The following PARD3B variants were observed in gnomAD, a reference collection of about 807,000 sequenced individuals.
PARD3B encodes par-3 family cell polarity regulator beta.
A neutral mutation model predicts 130.2 loss-of-function variants in PARD3B; 103 were observed. The ratio of observed to expected loss-of-function variants is 0.79; its 90% CI spans 0.67 to 0.93. The LOEUF is 0.93. Ranked by LOEUF, PARD3B falls within the 40% of genes least tolerant of loss-of-function variation. The pLI is 0.00. For synonymous variants in PARD3B, 583 were observed against 553.2 expected (o/e 1.05, Z -0.76); for missense variants, 1,609 against 1,499.2 (o/e 1.07, Z -1.21).
chr2:205,541,555 G>A (rs1223880352), intron 21 of PARD3B, among the ~76,000 whole-genome samples: 1 of 151,962 alleles, frequency 6.6e-6, no homozygotes, highest in East Asian at 1.9e-4. Flanking sequence ...TGCCATGTTG[G>A]CCAGGCTGGT....
At chr2:205,438,253 C>T (rs955475936) in intron 19 of PARD3B, among the ~76,000 whole-genome samples, 15 of 152,238 alleles carry the variant, frequency 9.9e-5, no homozygotes, top group East Asian at 7.7e-4. Context: ...AGATTCTCCA[C>T]GTACTCAGCA....
At chr2:205,424,791 T>C (rs1264053819) in intron 19 of PARD3B, among the ~76,000 whole-genome samples, 1 of 152,174 alleles carries the variant, frequency 6.6e-6, no homozygotes, top group Admixed American at 6.6e-5. Context: ...CGAGGGCCTG[T>C]CGTTTAGTTT....
chr2:205,038,462 A>C (rs1698167460), intron 3 of PARD3B, among the ~76,000 whole-genome samples: 1 of 152,170 alleles, frequency 6.6e-6, no homozygotes, highest in Admixed American at 6.5e-5. Context: ...TAGCATGAGC[A>C]AATTTATATT....
At chr2:205,517,759 G>A (rs1013539854) in intron 21 of PARD3B, among the ~76,000 whole-genome samples, 1 of 152,142 alleles carries the variant, frequency 6.6e-6, no homozygotes, top group Non-Finnish European at 1.5e-5. Flanking sequence ...CCTTAGCTGT[G>A]TTCCAGAGAT....
intron 21 of PARD3B, among the ~76,000 whole-genome samples, chr2:205,524,384 G>T (rs1448896631): frequency 6.6e-6 from 1 of 152,120 alleles, no homozygotes; most frequent in East Asian, 1.9e-4. Context: ...CTCCTGTTTA[G>T]AAGTTCAGCA....
Position 205,301,620 on chromosome 2 carries a change from A to C in PARD3B, c.2549A>C (p.Lys850Thr). 6.2e-7 allele frequency: 1 copy of C among 1,613,650 alleles called. No individual in the cohort carries two copies. Among genetic ancestry groups the C allele is most frequent in the Non-Finnish European group, 8.5e-7 (1 of 1,179,712 alleles). The stretch of plus-strand genomic sequence containing the variant: ...AAGAAAAAGGAAAAGGGCAAATTGA[A>C]AGTCAAGGAGAAAAAGCGCAAAGAG... ...KEKKKEKGKL[K>T]VKEKKRKEEN... Residue 850 changes from lysine to threonine, a missense_variant, in exon 18 of 23, where the codon AAA becomes ACA. Physicochemically the swap from Lys to Thr is moderately conservative, Grantham distance 78. Transcript: ENST00000406610. This position sits in a 1 kb window ranked among gnomAD's most constrained non-coding sequence, Gnocchi z 5.2.
rs1377323806 is a variant in PARD3B, at chr2:204,675,776, T to C, written c.121-10405T>C. Among the ~76,000 whole-genome samples the C allele has an allele frequency of 6.6e-6, 1 of 152,196 alleles. No individual in the cohort carries two copies. Among genetic ancestry groups the C allele is most frequent in the Non-Finnish European group, 1.5e-5 (1 of 68,034 alleles). ...TATGAACTAGGAAGTGAAATATATGTCTCAATACTTAAATATTTTTCTATT... is the reference window on the plus strand; with the variant it reads ...TATGAACTAGGAAGTGAAATATATGCCTCAATACTTAAATATTTTTCTATT... On this transcript the variant is annotated intron_variant, in intron 1 of 22. Coordinates refer to ENST00000406610, the MANE Select transcript of PARD3B (RefSeq NM_001302769.2). This position sits in a 1 kb window ranked among gnomAD's most constrained non-coding sequence, Gnocchi z 4.4.
intron 16 of PARD3B, 91 bp downstream of exon 16, chr2:205,245,913 G>A (rs949716721): frequency 2.9e-6 from 3 of 1,047,644 alleles, no homozygotes. Context: ...CTATCCACTA[G>A]TCACTGAAAG....
intron 11 of PARD3B, among the ~76,000 whole-genome samples, chr2:205,168,447 A>G (rs1368698151): frequency 6.6e-6 from 1 of 152,204 alleles, no homozygotes; most frequent in Non-Finnish European, 1.5e-5. Flanking sequence ...TCTCATGCCT[A>G]AATATTTACT....
At chr2:204,772,884 G>T (rs2041449533) in intron 2 of PARD3B, among the ~76,000 whole-genome samples, 1 of 151,986 alleles carries the variant, frequency 6.6e-6, no homozygotes, top group Non-Finnish European at 1.5e-5. Flanking sequence ...GGTTAGGGCA[G>T]TTTTGAAGAA....
At chr2:204,681,117 C>G (rs6742535) in intron 1 of PARD3B, among the ~76,000 whole-genome samples, 49,189 of 151,986 alleles carry the variant, frequency 0.32, 11,136 homozygotes, top group African/African-American at 0.65. Flanking sequence ...GGTACGTACA[C>G]ATTTAACATT....
intron 18 of PARD3B, among the ~76,000 whole-genome samples, chr2:205,379,212 A>C (rs1433718743): frequency 6.6e-6 from 1 of 152,132 alleles, no homozygotes; most frequent in Non-Finnish European, 1.5e-5. Context: ...AATTCACTGA[A>C]CTGCCTCTGG....
intron 16 of PARD3B, among the ~76,000 whole-genome samples, chr2:205,262,824 G>A (rs999680683): frequency 6.6e-6 from 1 of 151,968 alleles, no homozygotes; most frequent in South Asian, 2.1e-4. Flanking sequence ...CAACTCAGAG[G>A]GTCCATTTAT....
At position 205,128,730 on chromosome 2, in the gene PARD3B, C is replaced by T. The variant is rs909068160; in HGVS notation, c.1434+2993C>T. Among the ~76,000 whole-genome samples, 4 of 152,092 alleles carry T rather than the reference C, an allele frequency of 2.6e-5. No individual in the cohort carries two copies. Among genetic ancestry groups the T allele is most frequent in the Non-Finnish European group, 4.4e-5 (3 of 68,028 alleles). On this transcript the variant is annotated intron_variant, in intron 10 of 22. Coordinates refer to ENST00000406610, the MANE Select transcript of PARD3B (RefSeq NM_001302769.2). The surrounding 1 kb of genome is among the most constrained non-coding windows in gnomAD (Gnocchi z 4.5). ...GTAGTAGTGTAAACACAATTCTATA[C>T]TCTAGATATATTATGGGGTAGATAG...
At chr2:204,754,811 A>G (rs10175864) in intron 2 of PARD3B, among the ~76,000 whole-genome samples, 16,762 of 152,132 alleles carry the variant, frequency 0.11, 2,109 homozygotes, top group African/African-American at 0.31. Context: ...ATAAGCTTCA[A>G]AGGAAGATGT....
rs143898565 is a variant in PARD3B, at chr2:204,886,216, A to G, written c.223-78936A>G. Among the ~76,000 whole-genome samples the G allele has an allele frequency of 4.1e-3, 623 of 152,332 alleles. 6 individuals are homozygous for G. Among genetic ancestry groups the G allele is most frequent in the African/African-American group, 0.014 (600 of 41,592 alleles). ...TGGGTGGATTGGTTCCATCTACCGAATGGGATATGAGGAGGCAAACCTTAC... is the reference window on the plus strand; with the variant it reads ...TGGGTGGATTGGTTCCATCTACCGAGTGGGATATGAGGAGGCAAACCTTAC... On this transcript the variant is annotated intron_variant, in intron 2 of 22. Coordinates refer to ENST00000406610, the MANE Select transcript of PARD3B (RefSeq NM_001302769.2).
chr2:205,395,253 G>A (rs966272484), intron 18 of PARD3B, among the ~76,000 whole-genome samples: 4 of 152,114 alleles, frequency 2.6e-5, no homozygotes, highest in African/African-American at 9.7e-5. Context: ...ATGCCTACAT[G>A]GCTTCTGTTC....
At chr2:205,401,893 G>A (rs546226303) in intron 19 of PARD3B, among the ~76,000 whole-genome samples, 120 of 152,282 alleles carry the variant, frequency 7.9e-4, no homozygotes, top group African/African-American at 2.6e-3. Flanking sequence ...AATTCTAAGC[G>A]TTTGATTCTG....
chr2:204,788,331 T>A lies in PARD3B; in HGVS notation c.222+102049T>A, dbSNP rs552510919. On this transcript the variant is annotated intron_variant, in intron 2 of 22. Transcript: ENST00000406610. ...CTTCCTCAACAGCCCTACACTGTTA[T>A]CTCATAGGGATTGTCTAGTTCCTTT... Among the ~76,000 whole-genome samples, 26 of 152,336 alleles carry A rather than the reference T, an allele frequency of 1.7e-4. No homozygotes were observed. In the South Asian group the frequency reaches 5.2e-3, roughly 30 times the overall value.
Sources: gnomAD v4.1 joint callset for allele counts (sites outside exome capture counted in the v4.1 genomes callset) on GRCh38, gnomAD v4.1.1 for gene constraint, Gnocchi (gnomAD v3.1) non-coding constraint, MANE v1.5 for transcripts, NCBI Gene and HGNC (gene_info 2026-07-23, HGNC 2026-07-21) for gene names.